The following DOCK8 variants were observed in gnomAD, a reference collection of about 807,000 sequenced individuals.
DOCK8 encodes the protein dedicator of cytokinesis protein 8.
DOCK8 carries 141 observed loss-of-function variants against 245.6 expected under a neutral mutation model. The observed-to-expected ratio is 0.57, with a 90% confidence interval of 0.50 to 0.66. The LOEUF (loss-of-function observed/expected upper bound fraction) is 0.66. Among genes scored for constraint, DOCK8 ranks in the 30% least tolerant of loss-of-function variants. The probability of loss-of-function intolerance (pLI) is 0.00; values close to 1 mark genes in which losing one functional copy is unlikely to be tolerated. For missense variants in DOCK8, 2,965 were observed against 2,603.4 expected (o/e 1.14, Z -3.02); for synonymous variants, 1,168 against 970.2 (o/e 1.20, Z -3.79).
chr9:425,733 G>C (rs2056472398), intron 33 of DOCK8, among the ~76,000 whole-genome samples: 1 of 149,998 alleles, frequency 6.7e-6, no homozygotes, highest in Admixed American at 6.6e-5. Context: ...CTCTAGCCTG[G>C]GTGATAGAGC....
intron 18 of DOCK8, among the ~76,000 whole-genome samples, chr9:374,011 T>C (rs1386947622): frequency 6.6e-6 from 1 of 152,202 alleles, no homozygotes; most frequent in African/African-American, 2.4e-5. Flanking sequence ...CCTAGCTGTG[T>C]GAATGTTGGT....
intron 11 of DOCK8, among the ~76,000 whole-genome samples, chr9:334,830 C>A (rs2051233728): frequency 1.3e-5 from 2 of 152,042 alleles, no homozygotes; most frequent in African/African-American, 4.8e-5. Flanking sequence ...GCTTGTAATC[C>A]CACCACTTTG....
In DOCK8 at chr9:461,558, G is replaced by A. The variant is rs559041987; in HGVS notation, c.6069-1959G>A. On this transcript the variant is annotated intron_variant, in intron 46 of 47. Transcript: ENST00000432829. ...TTTTTTTTTTTTTTTTTTTTTTTTG[G>A]TGAGACAAGGTCTGGTTCTGTCACC... is the stretch of plus-strand genomic sequence containing the variant. 2.0e-3 allele frequency among the ~76,000 whole-genome samples: 97 copies of A among 49,560 alleles called. 1 individual carries two copies. Among genetic ancestry groups the A allele is most frequent in the African/African-American group, 9.8e-3 (92 of 9,382 alleles). 32.5% of individuals were successfully genotyped at this position (49,560 alleles called of 152,430 possible).
intron 14 of DOCK8, among the ~76,000 whole-genome samples, chr9:367,021 G>C (rs2053036589): frequency 1.3e-5 from 2 of 152,152 alleles, no homozygotes; most frequent in African/African-American, 4.8e-5. Flanking sequence ...TTAGTTATAT[G>C]ATATGGGGTG....
intron 14 of DOCK8, among the ~76,000 whole-genome samples, chr9:357,471 C>G (rs902957238): frequency 1.3e-5 from 2 of 152,174 alleles, no homozygotes; most frequent in African/African-American, 4.8e-5. Context: ...CTCTCTTTCT[C>G]TTTCTCTCTT....
intron 4 of DOCK8, among the ~76,000 whole-genome samples, chr9:297,945 A>G (rs569733432): frequency 3.3e-5 from 5 of 152,316 alleles, no homozygotes; most frequent in South Asian, 2.1e-4. Flanking sequence ...TTTTAACATT[A>G]TTGTGTAACT....
At chr9:271,992 A>C (rs2048177345) in intron 2 of DOCK8, among the ~76,000 whole-genome samples, 1 of 152,154 alleles carries the variant, frequency 6.6e-6, no homozygotes, top group African/African-American at 2.4e-5. Context: ...ACTCAGTCTC[A>C]TCCAAATTAT....
rs115092992 is a variant in DOCK8, at chr9:441,710, A to G, written c.5356-165A>G. ...GGATTCCTTTTGTTGTTATTTCTGA[A>G]GTTTATTCCATAAGCATTAAATTTT... is the stretch of plus-strand genomic sequence containing the variant. On this transcript the variant is annotated intron_variant, in intron 41 of 47. Transcript: ENST00000432829. 8.7e-3 allele frequency among the ~76,000 whole-genome samples: 1,324 copies of G among 152,334 alleles called. 24 individuals are homozygous for G. The highest frequency in any genetic ancestry group is 0.03 in the African/African-American group (1,244 of 41,570).
chr9:259,790 T>A (rs1414344817), intron 1 of DOCK8, among the ~76,000 whole-genome samples: 1 of 152,252 alleles, frequency 6.6e-6, no homozygotes, highest in Admixed American at 6.5e-5. Flanking sequence ...TTCCACAAAT[T>A]GTTTGGTGGT....
At chr9:215,164 C>T (rs893902778) in intron 1 of DOCK8, 135 bp downstream of exon 1, 5 of 1,494,616 alleles carry the variant, frequency 3.3e-6, no homozygotes, top group African/African-American at 2.9e-5. Context: ...ACCTGGGGCG[C>T]CCGGTTCCCG....
chr9:214,836 T>C, upstream of DOCK8: 3 of 1,600,138 alleles, frequency 1.9e-6, no homozygotes, highest in Non-Finnish European at 2.6e-6. Context: ...GCTTAGAAGG[T>C]GGAAATGCGG....
intron 30 of DOCK8, among the ~76,000 whole-genome samples, chr9:419,868 G>A (rs978043821): frequency 2.6e-5 from 4 of 152,186 alleles, no homozygotes; most frequent in Non-Finnish European, 4.4e-5. Flanking sequence ...CCACAAACAT[G>A]GATTTGATTA....
chr9:366,699 T>C (rs1333120195), intron 14 of DOCK8: 3 of 152,194 alleles, frequency 2.0e-5, no homozygotes, highest in African/African-American at 7.2e-5. Flanking sequence ...GCATTCTCAG[T>C]GCACAGTAAC....
At chr9:428,784 C>G (rs1345332712) in intron 35 of DOCK8, among the ~76,000 whole-genome samples, 2 of 152,132 alleles carry the variant, frequency 1.3e-5, no homozygotes, top group Admixed American at 1.3e-4. Context: ...AACTGAGTGA[C>G]TTAGCAATTT....
intron 1 of DOCK8, among the ~76,000 whole-genome samples, chr9:222,335 A>T (rs907248818): frequency 6.6e-6 from 1 of 152,190 alleles, no homozygotes; most frequent in Non-Finnish European, 1.5e-5. Flanking sequence ...TTGATGGAGC[A>T]GTCTTATACA....
At chr9:213,226 G>A (rs569010158), upstream of DOCK8, 1 of 152,156 alleles carries the variant, frequency 6.6e-6, no homozygotes, top group Non-Finnish European at 1.5e-5. Flanking sequence ...GTGGGCATTG[G>A]GGGGCGGGGA....
At chr9:461,566 A>C (rs1257423697) in intron 46 of DOCK8, among the ~76,000 whole-genome samples, 13 of 121,786 alleles carry the variant, frequency 1.1e-4, no homozygotes, top group Non-Finnish European at 2.1e-4. Context: ...TGGTGAGACA[A>C]GGTCTGGTTC....
At chr9:262,207 G>C (rs9408082) in intron 1 of DOCK8, among the ~76,000 whole-genome samples, 59,932 of 151,452 alleles carry the variant, frequency 0.4, 12,501 homozygotes, top group East Asian at 0.79. Context: ...AACATGTCTA[G>C]TATAATGGCT....
At position 312,004 on chromosome 9, in the gene DOCK8, C is replaced by G. The variant is rs1053824283; in HGVS notation, c.579C>G (p.Pro193=). 6 of 1,614,062 alleles carry G rather than the reference C, an allele frequency of 3.7e-6. No homozygotes were observed. The highest frequency in any genetic ancestry group is 8.5e-7 in the Non-Finnish European group (1 of 1,180,042). The part of the protein sequence containing the change: ...NVLCDVSGKG[P]VTACDFDLRS... ...TGTGCGACGTGTCTGGGAAAGGCCCCGTCACTGCCTGTGACTTTGACCTCC... is the reference window on the plus strand; with the variant it reads ...TGTGCGACGTGTCTGGGAAAGGCCCGGTCACTGCCTGTGACTTTGACCTCC... Residue 193 remains proline, a synonymous_variant, in exon 6 of 48, where the codon CCC becomes CCG. Transcript: ENST00000432829.
Sources: allele counts gnomAD v4.1 joint callset (sites outside exome capture counted in the v4.1 genomes callset), GRCh38; gene constraint gnomAD v4.1.1; transcripts MANE v1.5; gene names NCBI Gene and HGNC (gene_info 2026-07-23, HGNC 2026-07-21).